FOCAD: variants seen among roughly 807,000 people sequenced by gnomAD.
The protein encoded by FOCAD is focadhesin, also known as KIAA1797.
Under a neutral mutation model 225.6 loss-of-function variants are expected in FOCAD, and 198 were observed. The ratio of observed to expected loss-of-function variants is 0.88; its 90% CI spans 0.78 to 0.99. The LOEUF is 0.99. Among genes scored for constraint, FOCAD ranks in the 50% least tolerant of loss-of-function variants. FOCAD has a pLI of 0.00. For synonymous variants in FOCAD, 897 were observed against 755.0 expected (o/e 1.19, Z -3.08); for missense variants, 2,713 against 2,123.6 (o/e 1.28, Z -5.46).
In FOCAD at chr9:20,834,342, G is replaced by T. The variant is rs556000463; in HGVS notation, c.1920+11227G>T. On this transcript the variant is annotated intron_variant, in intron 15 of 43. Coordinates refer to ENST00000338382, the MANE Select transcript of FOCAD (RefSeq NM_001375567.1). ...AGCATCTGAGAAGAATAGCTAATGT[G>T]TGTTGGGCTTAATACCTAGGTGATG... is the stretch of plus-strand genomic sequence containing the variant. Among the ~76,000 whole-genome samples the T allele has an allele frequency of 1.1e-4, 17 of 152,122 alleles. 1 individual carries two copies. The South Asian group carries it at 3.5e-3, about 32-fold the overall frequency.
intron 10 of FOCAD, among the ~76,000 whole-genome samples, chr9:20,783,048 A>T (rs1310241501): frequency 6.6e-6 from 1 of 152,200 alleles, no homozygotes; most frequent in Non-Finnish European, 1.5e-5. Flanking sequence ...TGGTTTGCCC[A>T]TGTAGAACAA....
At chr9:20,755,855 C>G (rs2130875244) in intron 5 of FOCAD, among the ~76,000 whole-genome samples, 1 of 151,858 alleles carries the variant, frequency 6.6e-6, no homozygotes, top group East Asian at 1.9e-4. Context: ...AGACTGGGTC[C>G]TGCTATGTTG....
intron 1 of FOCAD, among the ~76,000 whole-genome samples, chr9:20,714,828 T>C (rs979855504): frequency 3.3e-5 from 5 of 152,208 alleles, no homozygotes; most frequent in Admixed American, 6.5e-5. Flanking sequence ...TGTTTTAATG[T>C]GTGAACTTCT....
intron 15 of FOCAD, among the ~76,000 whole-genome samples, chr9:20,825,110 T>G (rs1475742511): frequency 4.6e-5 from 7 of 151,726 alleles, no homozygotes; most frequent in African/African-American, 1.7e-4. Context: ...GGTAGTAATA[T>G]ATCTTTCTGT....
In FOCAD at chr9:20,894,022, A is replaced by G. The variant is rs186427501; in HGVS notation, c.2625+8792A>G. On this transcript the variant is annotated intron_variant, in intron 21 of 43. Transcript: ENST00000338382. ...TTTTGCTTTCTAAAACCCTTCTGCA[A>G]TCTCCCATTCATCCCTTCCTTCTCT... Among the ~76,000 whole-genome samples the G allele has an allele frequency of 1.2e-3, 188 of 152,218 alleles. 1 individual carries two copies. In the Middle Eastern group the frequency reaches 0.014, roughly 11 times the overall value.
rs879842485 is a variant in FOCAD at position 20,768,163 on chromosome 9, C to G, written c.700-1869C>G. On this transcript the variant is annotated intron_variant, in intron 7 of 43. Transcript: ENST00000338382. Reference sequence around the variant, plus strand: ...ATATGCGGCGTTATTTCTGAGGGCTCTGTTCTGTTCCATTGATCTATATCT... The same window carrying G: ...ATATGCGGCGTTATTTCTGAGGGCTGTGTTCTGTTCCATTGATCTATATCT... Among the ~76,000 whole-genome samples the G allele has an allele frequency of 6.8e-3, 1,004 of 148,424 alleles. 5 individuals are homozygous for G. Among genetic ancestry groups the G allele is most frequent in the Middle Eastern group, 0.01 (3 of 294 alleles).
intron 30 of FOCAD, among the ~76,000 whole-genome samples, chr9:20,947,342 A>G (rs1232970818): frequency 1.3e-5 from 2 of 152,224 alleles, no homozygotes; most frequent in African/African-American, 4.8e-5. Flanking sequence ...TCTGATATGT[A>G]CTAGAACACG....
chr9:20,816,992 A>C (rs892370637), intron 11 of FOCAD, among the ~76,000 whole-genome samples: 1 of 152,136 alleles, frequency 6.6e-6, no homozygotes, highest in African/African-American at 2.4e-5. Context: ...GGATTTTGCT[A>C]TCCATGGAAT....
intron 12 of FOCAD, among the ~76,000 whole-genome samples, 186 bp downstream of exon 12, chr9:20,820,086 A>G (rs933584565): frequency 7.9e-5 from 12 of 152,216 alleles, no homozygotes; most frequent in African/African-American, 2.4e-4. Flanking sequence ...ATTGTTTTAA[A>G]TTACTTAGTA....
At chr9:20,667,927 T>A (rs997868156) in intron 2 of FOCAD, among the ~76,000 whole-genome samples, 1 of 149,178 alleles carries the variant, frequency 6.7e-6, no homozygotes, top group Non-Finnish European at 1.5e-5. Context: ...TGAATCATAA[T>A]TTTTTTTTTA....
intron 15 of FOCAD, among the ~76,000 whole-genome samples, chr9:20,828,164 A>G (rs940572479): frequency 2.0e-5 from 3 of 152,060 alleles, no homozygotes; most frequent in African/African-American, 7.2e-5. Context: ...AGAAAAAAAA[A>G]AAAAAGAGAG....
chr9:20,947,805 A>T (rs984176142), intron 30 of FOCAD, among the ~76,000 whole-genome samples: 1 of 152,142 alleles, frequency 6.6e-6, no homozygotes, highest in Admixed American at 6.5e-5. Flanking sequence ...TAAGCTCGTA[A>T]TGTTATCGTT....
chr9:20,801,802 T>C (rs1246287330), intron 11 of FOCAD, among the ~76,000 whole-genome samples: 6 of 152,158 alleles, frequency 3.9e-5, no homozygotes, highest in African/African-American at 1.4e-4. Flanking sequence ...ATTATGCTGC[T>C]ACGTGATAGC....
At chr9:20,664,568 A>G (rs964781043) in intron 2 of FOCAD, among the ~76,000 whole-genome samples, 11 of 152,070 alleles carry the variant, frequency 7.2e-5, no homozygotes, top group Admixed American at 1.3e-4. Context: ...AATCCCATAA[A>G]GAAGGAACCT....
At chr9:20,951,440 T>TA (rs1564195916) in intron 34 of FOCAD, among the ~76,000 whole-genome samples, 1 of 152,190 alleles carries the variant, frequency 6.6e-6, no homozygotes, top group Non-Finnish European at 1.5e-5. Flanking sequence ...TTACATGAGT[T>TA]ACATACAGAG....
intron 21 of FOCAD, among the ~76,000 whole-genome samples, chr9:20,899,877 A>G (rs899125730): frequency 1.3e-5 from 2 of 151,824 alleles, no homozygotes; most frequent in African/African-American, 4.8e-5. Context: ...GTTTGGCCTG[A>G]CATACCAGGA....
At chr9:20,793,149 A>G (rs1020508549) in intron 11 of FOCAD, among the ~76,000 whole-genome samples, 1 of 152,202 alleles carries the variant, frequency 6.6e-6, no homozygotes, top group Non-Finnish European at 1.5e-5. Context: ...AGCTTGATAG[A>G]TAAGAAGTAG....
chr9:20,701,110 G>A (rs1204059426), intron 1 of FOCAD, among the ~76,000 whole-genome samples: 8 of 152,226 alleles, frequency 5.3e-5, no homozygotes, highest in African/African-American at 1.9e-4. Context: ...ATTAGAGACT[G>A]ATCTTAGCTC....
chr9:20,852,436 T>C (rs1442196969), intron 15 of FOCAD, among the ~76,000 whole-genome samples: 1 of 151,266 alleles, frequency 6.6e-6, no homozygotes, highest in East Asian at 1.9e-4. Context: ...GAAGAATTCA[T>C]CAGTTCTGTT....
Sources: allele counts gnomAD v4.1 joint callset (sites outside exome capture counted in the v4.1 genomes callset), GRCh38; gene constraint gnomAD v4.1.1; transcripts MANE v1.5; gene names NCBI Gene and HGNC (gene_info 2026-07-23, HGNC 2026-07-21).